Variants in LRRC4C observed in about 807,000 individuals in gnomAD.
The protein encoded by LRRC4C is leucine rich repeat containing 4C.
A neutral mutation model predicts 33.6 loss-of-function variants in LRRC4C; 5 were observed. The ratio of observed to expected loss-of-function variants is 0.15; its 90% confidence interval spans 0.08 to 0.31. The LOEUF is 0.31. Ranked by LOEUF, LRRC4C falls within the 10% of genes least tolerant of loss-of-function variation. LRRC4C has a pLI of 1.00. For synonymous variants in LRRC4C, 329 were observed against 302.0 expected (o/e 1.09, Z -0.93); for missense variants, 560 against 796.7 (o/e 0.70, Z 3.58).
chr11:40,499,800 TCAA>T (rs1227367861), intron 3 of LRRC4C, among the ~76,000 whole-genome samples: 4 of 151,990 alleles, frequency 2.6e-5, no homozygotes, highest in Non-Finnish European at 1.5e-5. Flanking sequence ...CAAGAGAACC[TCAA>T]CAAACAAGCT....
At chr11:40,672,583 G>A (rs1944182031) in intron 2 of LRRC4C, among the ~76,000 whole-genome samples, 1 of 152,148 alleles carries the variant, frequency 6.6e-6, no homozygotes, top group African/African-American at 2.4e-5. Context: ...GAAGAATCTT[G>A]ATAGGAAAAC....
At chr11:40,317,041 T>A (rs1945609196) in intron 4 of LRRC4C, among the ~76,000 whole-genome samples, 1 of 151,992 alleles carries the variant, frequency 6.6e-6, no homozygotes, top group Non-Finnish European at 1.5e-5. Context: ...TGGAAAATAA[T>A]CTCATACATT....
intron 2 of LRRC4C, among the ~76,000 whole-genome samples, chr11:40,925,777 G>T (rs1957386758): frequency 6.6e-6 from 1 of 152,106 alleles, no homozygotes; most frequent in Non-Finnish European, 1.5e-5. Context: ...GTAAATTGGA[G>T]ATTATTTCAC....
intron 3 of LRRC4C, among the ~76,000 whole-genome samples, chr11:40,469,731 C>G (rs4595532): frequency 0.14 from 21,361 of 152,114 alleles, 1,583 homozygotes; most frequent in Non-Finnish European, 0.15. Context: ...CTTGAGTAGG[C>G]AGTTTTCACC....
intron 4 of LRRC4C, among the ~76,000 whole-genome samples, chr11:40,257,709 C>T (rs1867327477): frequency 6.6e-6 from 1 of 152,118 alleles, no homozygotes; most frequent in Non-Finnish European, 1.5e-5. Flanking sequence ...AAGAGATAAA[C>T]TCTTTTTACT....
intron 2 of LRRC4C, among the ~76,000 whole-genome samples, chr11:40,654,925 G>GC (rs1441323596): frequency 6.6e-6 from 1 of 152,138 alleles, no homozygotes; most frequent in Non-Finnish European, 1.5e-5. Flanking sequence ...AGATCTGATG[G>GC]TTTTTTAAGT....
At chr11:41,064,042 T>C (rs1301248756) in intron 1 of LRRC4C, among the ~76,000 whole-genome samples, 1 of 152,160 alleles carries the variant, frequency 6.6e-6, no homozygotes, top group Admixed American at 6.5e-5. Context: ...AATTCTGTGG[T>C]TTATACTCCA....
intron 1 of LRRC4C, chr11:41,394,749 T>C (rs1185235768): frequency 2.6e-5 from 4 of 151,980 alleles, no homozygotes; most frequent in Non-Finnish European, 1.5e-5. Flanking sequence ...GCCACTGAAG[T>C]TGTTTTGTTC....
At chr11:41,150,791 TA>T (rs377302580) in intron 1 of LRRC4C, among the ~76,000 whole-genome samples, 6 of 1,940 alleles carry the variant, frequency 3.1e-3, no homozygotes, top group Non-Finnish European at 0.031. Context: ...AATAAATAAA[TA>T]AAATAAAATA....
intron 1 of LRRC4C, among the ~76,000 whole-genome samples, chr11:40,965,674 G>T (rs905606218): frequency 2.0e-5 from 3 of 152,138 alleles, no homozygotes; most frequent in Non-Finnish European, 4.4e-5. Flanking sequence ...AGATCAGATA[G>T]GTGTAGACAT....
At chr11:40,616,219 C>T (rs1961809194) in intron 3 of LRRC4C, among the ~76,000 whole-genome samples, 1 of 151,946 alleles carries the variant, frequency 6.6e-6, no homozygotes, top group South Asian at 2.1e-4. Flanking sequence ...GATACCATCT[C>T]ACACCAGTTA....
chr11:41,170,625 A>C (rs1472724165), intron 1 of LRRC4C, among the ~76,000 whole-genome samples: 1 of 152,210 alleles, frequency 6.6e-6, no homozygotes, highest in African/African-American at 2.4e-5. Context: ...TAAAGACTTA[A>C]ATGTTAGACC....
chr11:40,867,240 C>T (rs1292984019), intron 2 of LRRC4C, among the ~76,000 whole-genome samples: 1 of 152,158 alleles, frequency 6.6e-6, no homozygotes, highest in Admixed American at 6.6e-5. Flanking sequence ...CTACTTCCAT[C>T]ATTGTACTCC....
At chr11:40,458,763 T>C (rs534305774) in intron 3 of LRRC4C, among the ~76,000 whole-genome samples, 6 of 152,310 alleles carry the variant, frequency 3.9e-5, no homozygotes, top group African/African-American at 7.2e-5. Context: ...AAAAATCTCA[T>C]AGGATGTCAA....
chr11:40,324,113 C>T (rs1200092563), intron 3 of LRRC4C, among the ~76,000 whole-genome samples: 1 of 152,124 alleles, frequency 6.6e-6, no homozygotes, highest in Non-Finnish European at 1.5e-5. Context: ...CACATACTCA[C>T]ATAGAAGTGT....
intron 3 of LRRC4C, among the ~76,000 whole-genome samples, chr11:40,525,428 A>C (rs896310156): frequency 6.6e-6 from 1 of 152,186 alleles, no homozygotes; most frequent in Non-Finnish European, 1.5e-5. Flanking sequence ...CCTGGGTGAC[A>C]GAGAGAGACT....
Position 40,573,373 on chromosome 11 carries a change from C to T in LRRC4C, c.-270+74769G>A, listed in dbSNP as rs538615693. 6.2e-4 allele frequency among the ~76,000 whole-genome samples: 94 copies of T among 152,280 alleles called. 1 individual carries two copies. The highest frequency in any genetic ancestry group is 1.1e-3 in the Non-Finnish European group (77 of 68,026). On this transcript the variant is annotated intron_variant, in intron 3 of 6. Transcript: ENST00000528697. ...TTCATATGTTCATCCTTTATAGCCTCTCTGACTATAGGAAAGTAAATACCA... is the reference window on the plus strand; with the variant it reads ...TTCATATGTTCATCCTTTATAGCCTTTCTGACTATAGGAAAGTAAATACCA...
chr11:40,303,291 C>T (rs1409950938), intron 4 of LRRC4C, among the ~76,000 whole-genome samples: 6 of 151,958 alleles, frequency 3.9e-5, no homozygotes, highest in African/African-American at 1.2e-4. Context: ...TATTAATTTG[C>T]GTATTTGTTT....
intron 6 of LRRC4C, among the ~76,000 whole-genome samples, chr11:40,124,471 G>T (rs1856057355): frequency 6.6e-6 from 1 of 152,160 alleles, no homozygotes; most frequent in African/African-American, 2.4e-5. Context: ...GTTCTATTCA[G>T]CTGTAAAAAA....
Sources: allele counts gnomAD v4.1 joint callset (sites outside exome capture counted in the v4.1 genomes callset), GRCh38; gene constraint gnomAD v4.1.1; transcripts MANE v1.5; gene names NCBI Gene and HGNC (gene_info 2026-07-23, HGNC 2026-07-21).